Variants in PHKB observed in about 807,000 individuals in gnomAD.
PHKB encodes the protein phosphorylase kinase regulatory subunit beta.
A neutral mutation model predicts 152.1 loss-of-function variants in PHKB; 122 were observed. The ratio of observed to expected loss-of-function variants is 0.80; its 90% confidence interval spans 0.69 to 0.93. The LOEUF is 0.93. Ranked by LOEUF, PHKB falls within the 40% of genes least tolerant of loss-of-function variation. The pLI is 0.00. For synonymous variants in PHKB, 436 were observed against 464.9 expected, an observed-to-expected ratio of 0.94 and a Z score of 0.80; for missense variants, 1,304 against 1,328.4, an observed-to-expected ratio of 0.98 and a Z score of 0.29.
intron 14 of PHKB, among the ~76,000 whole-genome samples, chr16:47,622,979 A>C (rs1472729852): frequency 6.6e-6 from 1 of 152,160 alleles, no homozygotes; most frequent in African/African-American, 2.4e-5. Flanking sequence ...TGTGTAATAA[A>C]TTTTTGTTTT....
At chr16:47,502,767 C>T (rs1192872336) in intron 3 of PHKB, among the ~76,000 whole-genome samples, 1 of 152,180 alleles carries the variant, frequency 6.6e-6, no homozygotes, top group Non-Finnish European at 1.5e-5. Context: ...AGTTGGCTTG[C>T]TTCCTTGAAA....
chr16:47,660,611 A>C, intron 21 of PHKB, 44 bp downstream of exon 21: 7 of 1,612,248 alleles, frequency 4.3e-6, no homozygotes, highest in Non-Finnish European at 5.9e-6. Flanking sequence ...TTTTGAAATT[A>C]CATTAGAAAA....
intron 23 of PHKB, 65 bp downstream of exon 23, chr16:47,661,865 A>G: frequency 1.1e-6 from 1 of 949,808 alleles, no homozygotes; most frequent in Non-Finnish European, 1.7e-6. Context: ...TATATCAAAT[A>G]TGCATAAGCT....
At chr16:47,521,707 G>C (rs967420583) in intron 6 of PHKB, among the ~76,000 whole-genome samples, 2 of 151,308 alleles carry the variant, frequency 1.3e-5, no homozygotes, top group Admixed American at 6.6e-5. Context: ...TTTTTTTGGA[G>C]ATGCCCTTCA....
chr16:47,626,173 CAA>C (rs1381509382), intron 14 of PHKB, among the ~76,000 whole-genome samples: 1 of 152,182 alleles, frequency 6.6e-6, no homozygotes, highest in East Asian at 1.9e-4. Flanking sequence ...GGTTTACTTG[CAA>C]AGAGTGATGG....
At chr16:47,562,853 G>T (rs1971499269) in intron 7 of PHKB, among the ~76,000 whole-genome samples, 1 of 152,170 alleles carries the variant, frequency 6.6e-6, no homozygotes, top group South Asian at 2.1e-4. Flanking sequence ...ATCAGAGTCA[G>T]TCCTCCCAAA....
intron 13 of PHKB, among the ~76,000 whole-genome samples, chr16:47,600,462 A>G: frequency 6.6e-6 from 1 of 152,236 alleles, no homozygotes; most frequent in East Asian, 1.9e-4. Context: ...TTCAAATTTG[A>G]AAGTTTAGAA....
chr16:47,628,328 C>G (rs556308246), intron 14 of PHKB, among the ~76,000 whole-genome samples: 2 of 152,182 alleles, frequency 1.3e-5, no homozygotes, highest in East Asian at 3.9e-4. Context: ...GTCAGGAGAT[C>G]GAGACCATCC....
At chr16:47,519,672 G>T (rs889652590) in intron 6 of PHKB, among the ~76,000 whole-genome samples, 1 of 152,228 alleles carries the variant, frequency 6.6e-6, no homozygotes, top group Non-Finnish European at 1.5e-5. Flanking sequence ...CCTAGCCTCA[G>T]AAGTCACATT....
chr16:47,526,952 A>G (rs1970778510), intron 6 of PHKB, among the ~76,000 whole-genome samples: 1 of 152,208 alleles, frequency 6.6e-6, no homozygotes, highest in Admixed American at 6.5e-5. Context: ...GGCAGAAGAC[A>G]AAACAGGAGA....
In PHKB at chr16:47,616,794, G is replaced by A. The variant is rs1972527188; in HGVS notation, c.1458+5874G>A. On this transcript the variant is annotated intron_variant, in intron 14 of 30. Transcript: ENST00000323584. ...ATAGAGTGTGGAGTGGGAAATCAGG[G>A]ATCTCACTGCCTTCAGAGCTGAGAG... Among the ~76,000 whole-genome samples, 3 of 151,820 alleles carry A rather than the reference G, an allele frequency of 2.0e-5. No homozygotes were observed. The South Asian group carries it at 6.2e-4, about 32-fold the overall frequency.
In PHKB at chr16:47,684,199, G is replaced by A. The variant is rs146275946; in HGVS notation, c.2631-4842G>A. The stretch of plus-strand genomic sequence containing the variant: ...AAATTAAAAATTAGCTGGGTGTAGC[G>A]GTGCCTGCCTGTAGTCCCAGTTACT... On this transcript the variant is annotated intron_variant, in intron 26 of 30. Transcript: ENST00000323584. Among the ~76,000 whole-genome samples, 46 of 152,018 alleles carry A rather than the reference G, an allele frequency of 3.0e-4. No individual in the cohort carries two copies. The East Asian group carries it at 8.3e-3, about 27-fold the overall frequency.
At chr16:47,608,204 A>G (rs531500382) in intron 13 of PHKB, among the ~76,000 whole-genome samples, 74 of 152,244 alleles carry the variant, frequency 4.9e-4, no homozygotes, top group Non-Finnish European at 8.2e-4. Flanking sequence ...AATCCAATTT[A>G]TCTCTTTACT....
At chr16:47,628,367 C>A (rs1454798284) in intron 14 of PHKB, among the ~76,000 whole-genome samples, 1 of 152,050 alleles carries the variant, frequency 6.6e-6, no homozygotes, top group South Asian at 2.1e-4. Context: ...CCCGTCTCTA[C>A]TAAAAATACA....
At chr16:47,630,540 G>A (rs1440144610) in intron 14 of PHKB, among the ~76,000 whole-genome samples, 2 of 152,042 alleles carry the variant, frequency 1.3e-5, no homozygotes, top group African/African-American at 4.8e-5. Context: ...TTGGAATTGA[G>A]TTTTCTTAAA....
chr16:47,569,718 T>C (rs1169723875), intron 7 of PHKB, among the ~76,000 whole-genome samples: 5 of 152,194 alleles, frequency 3.3e-5, no homozygotes, highest in African/African-American at 1.2e-4. Flanking sequence ...CCTCCCAGGC[T>C]TAAGCGATCC....
chr16:47,651,492 C>T (rs1219048082), intron 20 of PHKB, among the ~76,000 whole-genome samples: 1 of 152,202 alleles, frequency 6.6e-6, no homozygotes, highest in African/African-American at 2.4e-5. Context: ...GACTATCCTT[C>T]CTTCTTTCAA....
At chr16:47,604,956 A>G (rs1421120534) in intron 13 of PHKB, among the ~76,000 whole-genome samples, 2 of 152,314 alleles carry the variant, frequency 1.3e-5, no homozygotes, top group East Asian at 1.9e-4. Flanking sequence ...TTTGTTGGAT[A>G]TAAGTTCTTT....
intron 9 of PHKB, among the ~76,000 whole-genome samples, chr16:47,588,387 G>T (rs1971970400): frequency 6.7e-6 from 1 of 149,048 alleles, no homozygotes. Context: ...ACAACATTTG[G>T]GTATATATGT....
Sources: gnomAD v4.1 joint callset for allele counts (sites outside exome capture counted in the v4.1 genomes callset) on GRCh38, gnomAD v4.1.1 for gene constraint, MANE v1.5 for transcripts, NCBI Gene and HGNC (gene_info 2026-07-23, HGNC 2026-07-21) for gene names.